CTNNA3: variants seen among roughly 807,000 people sequenced by gnomAD.
The protein encoded by CTNNA3 is catenin alpha-3.
In CTNNA3, 76 loss-of-function variants were observed where a neutral mutation model predicts 95.7. The ratio of observed to expected loss-of-function variants is 0.79; its 90% CI spans 0.66 to 0.96. CTNNA3 has a LOEUF of 0.96. Ranked by LOEUF, CTNNA3 falls within the 40% of genes least tolerant of loss-of-function variation. The pLI, the probability that CTNNA3 is intolerant of heterozygous loss-of-function variation, is 0.00. For missense variants in CTNNA3, 1,191 were observed against 1,089.8 expected, an observed-to-expected ratio of 1.09 and a Z score of -1.31; for synonymous variants, 431 against 374.4, an observed-to-expected ratio of 1.15 and a Z score of -1.74.
chr10:67,357,954 G>A (rs1457258144), intron 5 of CTNNA3, among the ~76,000 whole-genome samples: 1 of 152,018 alleles, frequency 6.6e-6, no homozygotes, highest in Non-Finnish European at 1.5e-5. Context: ...AATTAATGGA[G>A]CAAAATACAG....
intron 14 of CTNNA3, among the ~76,000 whole-genome samples, chr10:66,085,763 T>C (rs186475609): frequency 6.6e-6 from 1 of 152,338 alleles, no homozygotes; most frequent in African/African-American, 2.4e-5. Context: ...CTTAATTGTT[T>C]TGAAATATAC....
intron 13 of CTNNA3, among the ~76,000 whole-genome samples, chr10:66,119,883 AT>A (rs2082502797): frequency 6.6e-6 from 1 of 152,096 alleles, no homozygotes; most frequent in Non-Finnish European, 1.5e-5. Context: ...TGGAAAACTT[AT>A]TTGGCATCTG....
chr10:66,264,834 A>G (rs1424858053), intron 13 of CTNNA3, among the ~76,000 whole-genome samples: 1 of 151,972 alleles, frequency 6.6e-6, no homozygotes, highest in Non-Finnish European at 1.5e-5. Context: ...GTGAGAACTG[A>G]AAACGACATA....
intron 13 of CTNNA3, among the ~76,000 whole-genome samples, chr10:66,153,569 G>A (rs2084319020): frequency 6.6e-6 from 1 of 151,776 alleles, no homozygotes. Context: ...CCTGAGAATT[G>A]GGCAAAGTTT....
At chr10:66,712,474 T>G (rs1848325645) in intron 9 of CTNNA3, among the ~76,000 whole-genome samples, 1 of 152,142 alleles carries the variant, frequency 6.6e-6, no homozygotes, top group Admixed American at 6.6e-5. Flanking sequence ...AGTCACCATT[T>G]TAGGAATGGT....
At chr10:67,280,377 G>A (rs1195717326) in intron 5 of CTNNA3, among the ~76,000 whole-genome samples, 1 of 140,658 alleles carries the variant, frequency 7.1e-6, no homozygotes, top group Non-Finnish European at 1.6e-5. Flanking sequence ...GCTAATTTCT[G>A]TCTCCTGGTG....
At chr10:66,364,855 G>A (rs2092700617) in intron 12 of CTNNA3, among the ~76,000 whole-genome samples, 1 of 152,092 alleles carries the variant, frequency 6.6e-6, no homozygotes, top group East Asian at 1.9e-4. Context: ...TTATGGCAAT[G>A]GTTACAGTCC....
intron 11 of CTNNA3, among the ~76,000 whole-genome samples, chr10:66,480,607 A>AT (rs1310330425): frequency 3.3e-5 from 5 of 150,856 alleles, no homozygotes; most frequent in African/African-American, 1.2e-4. Context: ...TAATTTATTT[A>AT]TTTATTTTTT....
rs546174762 is a variant in CTNNA3 at position 66,163,336 on chromosome 10, C to T, written c.1885-60087G>A. 3.3e-3 allele frequency among the ~76,000 whole-genome samples: 505 copies of T among 152,176 alleles called. 2 individuals are homozygous for T. The highest frequency in any genetic ancestry group is 5.5e-3 in the Non-Finnish European group (375 of 68,004). On this transcript the variant is annotated intron_variant, in intron 13 of 17. Coordinates refer to ENST00000433211, the MANE Select transcript of CTNNA3 (RefSeq NM_013266.4). ...ACCCTCCCAATGGATCTCTGTGGTG[C>T]CAGGAAGGAATAGGCTGCTAGGGGA...
intron 7 of CTNNA3, among the ~76,000 whole-genome samples, chr10:66,803,532 T>A (rs945310041): frequency 2.0e-5 from 3 of 151,580 alleles, no homozygotes; most frequent in Non-Finnish European, 4.4e-5. Context: ...TCTCTCACCA[T>A]ATATAGTCCT....
chr10:66,102,539 T>C (rs1263696232), intron 14 of CTNNA3, among the ~76,000 whole-genome samples: 1 of 152,180 alleles, frequency 6.6e-6, no homozygotes, highest in Non-Finnish European at 1.5e-5. Flanking sequence ...GGGTTTCAGA[T>C]CCAAGGTTTG....
At chr10:67,179,322 C>T (rs911890392) in intron 7 of CTNNA3, among the ~76,000 whole-genome samples, 3 of 151,510 alleles carry the variant, frequency 2.0e-5, no homozygotes, top group Non-Finnish European at 4.4e-5. Context: ...TTTTTCTCTT[C>T]ACTTTATAAA....
intron 7 of CTNNA3, among the ~76,000 whole-genome samples, chr10:67,069,401 A>C (rs943642625): frequency 6.6e-6 from 1 of 152,122 alleles, no homozygotes; most frequent in African/African-American, 2.4e-5. Context: ...TTATTAACTC[A>C]AAAAACGCTC....
intron 8 of CTNNA3, among the ~76,000 whole-genome samples, chr10:66,773,965 A>G (rs1840194335): frequency 6.6e-6 from 1 of 152,232 alleles, no homozygotes; most frequent in African/African-American, 2.4e-5. Context: ...GGACATAATT[A>G]TACTAAACCA....
chr10:66,551,483 G>C (rs1303681315), intron 10 of CTNNA3, among the ~76,000 whole-genome samples: 1 of 152,014 alleles, frequency 6.6e-6, no homozygotes, highest in African/African-American at 2.4e-5. Context: ...GCTTCTTGAT[G>C]CTATAAACTT....
intron 15 of CTNNA3, among the ~76,000 whole-genome samples, chr10:66,068,470 G>T (rs2080360867): frequency 6.6e-6 from 1 of 152,006 alleles, no homozygotes; most frequent in Non-Finnish European, 1.5e-5. Context: ...AAAGATTCAT[G>T]TACATTTTCT....
intron 5 of CTNNA3, among the ~76,000 whole-genome samples, chr10:67,256,598 C>T (rs886759286): frequency 7.2e-5 from 11 of 152,012 alleles, no homozygotes; most frequent in African/African-American, 9.7e-5. Context: ...TCCTTACATT[C>T]GATTAAATGA....
chr10:66,352,296 G>A (rs4375337), intron 12 of CTNNA3, among the ~76,000 whole-genome samples: 8 of 151,842 alleles, frequency 5.3e-5, no homozygotes, highest in Admixed American at 4.6e-4. Flanking sequence ...TTTTCAGGCA[G>A]AGCCTCTTTA....
At chr10:66,503,709 C>G (rs893497198) in intron 11 of CTNNA3, among the ~76,000 whole-genome samples, 3 of 152,194 alleles carry the variant, frequency 2.0e-5, no homozygotes, top group African/African-American at 7.2e-5. Context: ...CATTGTGATC[C>G]TCCTGCCTCA....
Sources: allele counts gnomAD v4.1 joint callset (sites outside exome capture counted in the v4.1 genomes callset), GRCh38; gene constraint gnomAD v4.1.1; transcripts MANE v1.5; gene names NCBI Gene and HGNC (gene_info 2026-07-23, HGNC 2026-07-21).